TMEM183A: variants seen among roughly 807,000 people sequenced by gnomAD.
The protein encoded by TMEM183A is chromosome 1 open reading frame 37.
In TMEM183A, 21 loss-of-function variants were observed where a neutral mutation model predicts 46.7. The observed-to-expected ratio is 0.45, with a 90% CI of 0.32 to 0.65. The LOEUF is 0.65. Among genes scored for constraint, TMEM183A ranks in the 30% least tolerant of loss-of-function variants. The pLI is 0.04. For synonymous variants in TMEM183A, 165 were observed against 180.2 expected (o/e 0.92, Z 0.68); for missense variants, 331 against 481.9 (o/e 0.69, Z 2.93).
chr1:203,012,235 T>TCACACACACACACACACACACACACACA lies in TMEM183A; in HGVS notation c.368-2638_368-2611dup, dbSNP rs56743654. Among the ~76,000 whole-genome samples, 96 of 80,834 alleles carry TCACACACACACACACACACACACACACA rather than the reference T, an allele frequency of 1.2e-3. 4 individuals carry two copies. The highest frequency in any genetic ancestry group is 1.8e-3 in the Non-Finnish European group (75 of 42,148). 53.0% of individuals were successfully genotyped at this position (80,834 alleles called of 152,430 possible). A position where few individuals can be genotyped will look rare whatever the true frequency, so the allele number is the denominator to read the frequency against. On this transcript the variant is annotated intron_variant, in intron 3 of 7. Transcript: ENST00000367242. ...ACTTCAACCATTACTCCCCACTCCA[T>TCACACACACACACACACACACACACACA]CACACACACACACACACACACACAC... is the stretch of plus-strand genomic sequence containing the variant.
chr1:203,011,203 C>G (rs1276403112), intron 3 of TMEM183A, among the ~76,000 whole-genome samples: 1 of 152,112 alleles, frequency 6.6e-6, no homozygotes, highest in Non-Finnish European at 1.5e-5. Flanking sequence ...AAACTGTTTT[C>G]CAAAGTGTGT....
rs1420516673 is a variant in TMEM183A, at chr1:203,007,868, G to A, written c.199+5G>A. On this transcript the variant is annotated splice_donor_5th_base_variant and intron_variant, in intron 2 of 7. Transcript: ENST00000367242. ...CCAACGCTGTTCAGCAGGAAGGTAA[G>A]CTTTGCGCGAGCCTTTAAAGACTCA... 1.9e-6 allele frequency: 3 copies of A among 1,613,980 alleles called. No individual in the cohort carries two copies. Among genetic ancestry groups the A allele is most frequent in the Non-Finnish European group, 2.5e-6 (3 of 1,179,964 alleles).
At chr1:203,021,025 C>CTTT (rs1353566056) in intron 7 of TMEM183A, 77 bp downstream of exon 7, 2 of 1,085,266 alleles carry the variant, frequency 1.8e-6, no homozygotes, top group South Asian at 2.2e-5. Context: ...TGAACCGCAG[C>CTTT]TCTTTTTTTT....
chr1:203,015,080 GT>G, intron 4 of TMEM183A, 32 bp downstream of exon 4: 1 of 1,605,234 alleles, frequency 6.2e-7, no homozygotes, highest in Non-Finnish European at 8.5e-7. Flanking sequence ...TCTTTTATCT[GT>G]GTGGCTGATT....
intron 7 of TMEM183A, among the ~76,000 whole-genome samples, chr1:203,021,408 A>G (rs1174215349): frequency 1.3e-5 from 2 of 151,716 alleles, no homozygotes; most frequent in East Asian, 3.8e-4. Flanking sequence ...TCTTTTTTCA[A>G]AAAAAAAGTT....
chr1:203,012,806 C>T (rs900140917), intron 3 of TMEM183A, among the ~76,000 whole-genome samples: 10 of 152,086 alleles, frequency 6.6e-5, no homozygotes, highest in Admixed American at 2.0e-4. Context: ...CATGGCTCAC[C>T]GCAGCCTCGA....
chr1:203,021,811 G>T (rs566812057), intron 7 of TMEM183A, among the ~76,000 whole-genome samples: 1 of 152,184 alleles, frequency 6.6e-6, no homozygotes, highest in Non-Finnish European at 1.5e-5. Context: ...CATGTAATTT[G>T]TCTTCTCTGT....
Position 203,008,687 on chromosome 1 carries a change from G to C in TMEM183A, c.244G>C (p.Glu82Gln). The change falls in exon 3 of 8, where the codon GAA (glutamate) becomes CAA (glutamine). Residue 82 changes from glutamate (E) to glutamine (Q), a missense_variant. Glu to Gln is a conservative substitution (Grantham distance 29). Transcript: ENST00000367242. ...GLEASQVPAE[E>Q]ALSGAGEPCD... ...GGAAGCCTCTCAGGTTCCTGCAGAG[G>C]AAGCTCTTTCTGGGGCTGGTGAGCC... 1.2e-6 allele frequency: 2 copies of C among 1,600,450 alleles called. No homozygotes were observed. Among genetic ancestry groups the C allele is most frequent in the African/African-American group, 2.7e-5 (2 of 74,172 alleles).
intron 6 of TMEM183A, 100 bp downstream of exon 6, chr1:203,018,661 G>A: frequency 7.5e-7 from 1 of 1,331,392 alleles, no homozygotes; most frequent in Non-Finnish European, 1.0e-6. Flanking sequence ...CAGTACCACA[G>A]ATTCTGGGTA....
In TMEM183A at chr1:203,007,562, T is replaced by A; in HGVS notation, c.97T>A (p.Cys33Ser). The A allele has an allele frequency of 1.3e-6, 2 of 1,548,030 alleles. No homozygotes were observed. The highest frequency in any genetic ancestry group is 2.3e-5 in the South Asian group (2 of 85,296). The change falls in exon 1 of 8, where the codon TGC becomes AGC. Residue 33 changes from cysteine to serine, a missense_variant. Physicochemically the swap from Cys to Ser is moderately radical, Grantham distance 112 (BLOSUM62 -1). Around this residue, in one of 2 missense-constraint regions of TMEM183A, gnomAD observed 98 missense variants for 96.1 expected, o/e 1.02. Transcript: ENST00000367242. ...ACTCAAGTTCCGGGCCCACGACGCCTGCTCCGGCCGAGGTGGGCGAGGGGG... is the reference window on the plus strand; with the variant it reads ...ACTCAAGTTCCGGGCCCACGACGCCAGCTCCGGCCGAGGTGGGCGAGGGGG... ...KRLKFRAHDA[C>S]SGRVTVADYA...
Position 203,015,878 on chromosome 1 carries a change from C to G in TMEM183A, c.528-82C>G, listed in dbSNP as rs1173442003. The stretch of plus-strand genomic sequence containing the variant: ...GTGGAATAGTGCAGTAAAGTTCATA[C>G]AGAGACCAGGAGTCTTAGAAAACTG... On this transcript the variant is annotated intron_variant, in intron 4 of 7. Coordinates refer to ENST00000367242, the MANE Select transcript of TMEM183A (RefSeq NM_138391.6). 8 of 1,531,392 alleles carry G rather than the reference C, an allele frequency of 5.2e-6. No individual in the cohort carries two copies. In the East Asian group the frequency reaches 1.6e-4, roughly 30 times the overall value. The allele number at this position is 1,531,392 out of a possible 1,614,324, so 94.9% of individuals were successfully genotyped here. A position where few individuals can be genotyped will look rare whatever the true frequency, so the allele number is the denominator to read the frequency against.
chr1:203,021,008 AAGG>A (rs1657626894), intron 7 of TMEM183A, 60 bp downstream of exon 7: 1 of 1,422,532 alleles, frequency 7.0e-7, no homozygotes. Context: ...TTCATTCTGA[AAGG>A]AGGTGAACCG....
chr1:203,007,417 C>G lies in TMEM183A; in HGVS notation c.-49C>G, dbSNP rs571393849. On this transcript the variant is annotated 5_prime_UTR_variant, in exon 1 of 8. Coordinates refer to ENST00000367242, the MANE Select transcript of TMEM183A (RefSeq NM_138391.6). ...CTCCGGTGTGGGATGGCCGCGGAGC[C>G]GGGCGGAGCTGGCTTGCGGCTCCCG... 33 of 1,355,612 alleles carry G rather than the reference C, an allele frequency of 2.4e-5. No individual in the cohort carries two copies. In the South Asian group the frequency reaches 3.7e-4, roughly 15 times the overall value. 84.0% of individuals were successfully genotyped at this position (1,355,612 alleles called of 1,614,324 possible). A position where few individuals can be genotyped will look rare whatever the true frequency, so the allele number is the denominator to read the frequency against.
intron 5 of TMEM183A, among the ~76,000 whole-genome samples, chr1:203,016,968 G>A (rs1657221644): frequency 6.6e-6 from 1 of 151,966 alleles, no homozygotes; most frequent in Non-Finnish European, 1.5e-5. Flanking sequence ...TGTTTTTATG[G>A]TATTGCACAT....
chr1:203,018,922 C>T (rs1657417883), intron 6 of TMEM183A, among the ~76,000 whole-genome samples: 1 of 152,202 alleles, frequency 6.6e-6, no homozygotes, highest in Non-Finnish European at 1.5e-5. Flanking sequence ...AGGGCCTCCC[C>T]AGTAGGTCAC....
rs1553249434 is a variant in TMEM183A, at chr1:203,012,148, T to TCTCACACACACACACACACACA, written c.368-2740_368-2739insTCACACACACACACACACACAC. Among the ~76,000 whole-genome samples the TCTCACACACACACACACACACA allele has an allele frequency of 1.0e-4, 8 of 79,468 alleles. 1 individual carries two copies. The highest frequency in any genetic ancestry group is 1.5e-4 in the African/African-American group (3 of 20,090). 52.1% of individuals were successfully genotyped at this position (79,468 alleles called of 152,430 possible). A position where few individuals can be genotyped will look rare whatever the true frequency, so the allele number is the denominator to read the frequency against. On this transcript the variant is annotated intron_variant, in intron 3 of 7. Coordinates refer to ENST00000367242, the MANE Select transcript of TMEM183A (RefSeq NM_138391.6). The stretch of plus-strand genomic sequence containing the variant: ...ACTTCAACCATTACCCCCCACTCCA[T>TCTCACACACACACACACACACA]CACACACACACACACACACACACAC...
At chr1:203,011,869 C>CT (rs11315785) in intron 3 of TMEM183A, among the ~76,000 whole-genome samples, 2 of 110,954 alleles carry the variant, frequency 1.8e-5, no homozygotes, top group African/African-American at 6.9e-5. Context: ...TCAGACTGGT[C>CT]TTTTTTTTTT....
At chr1:203,017,866 C>G in intron 5 of TMEM183A, 1 of 986,072 alleles carries the variant, frequency 1.0e-6, no homozygotes, top group Non-Finnish European at 1.2e-6. Flanking sequence ...CAGGGCATGT[C>G]TGAAGGGCAG....
At chr1:203,017,342 A>G (rs781480340) in intron 5 of TMEM183A, among the ~76,000 whole-genome samples, 5 of 152,152 alleles carry the variant, frequency 3.3e-5, no homozygotes, top group Non-Finnish European at 5.9e-5. Flanking sequence ...GAGTGAATCA[A>G]TTGCTGGGGG....
Sources: gnomAD v4.1 joint callset for allele counts (sites outside exome capture counted in the v4.1 genomes callset) on GRCh38, gnomAD v4.1.1 for gene constraint, gnomAD v4.1.1 regional missense constraint, MANE v1.5 for transcripts, NCBI Gene and HGNC (gene_info 2026-07-23, HGNC 2026-07-21) for gene names.